The following RARB variants were observed in gnomAD, a reference collection of about 807,000 sequenced individuals.
The protein encoded by RARB is retinoic acid receptor beta.
RARB carries 17 observed loss-of-function variants against 51.9 expected under a neutral mutation model. The ratio of observed to expected loss-of-function variants is 0.33; its 90% CI spans 0.22 to 0.49. The LOEUF (loss-of-function observed/expected upper bound fraction) is 0.49. Among genes scored for constraint, RARB ranks in the 20% least tolerant of loss-of-function variants. The pLI is 0.99. For missense variants in RARB, 369 were observed against 550.8 expected (o/e 0.67, Z 3.30); for synonymous variants, 215 against 195.4 (o/e 1.10, Z -0.84).
At chr3:24,932,800 C>T (rs1037339965) in intron 2 of RARB, among the ~76,000 whole-genome samples, 1 of 152,068 alleles carries the variant, frequency 6.6e-6, no homozygotes, top group Non-Finnish European at 1.5e-5. Context: ...CTAATTGTTA[C>T]TTTTGTTGAG....
chr3:25,284,117 C>G (rs940172917), intron 5 of RARB, among the ~76,000 whole-genome samples: 1 of 152,174 alleles, frequency 6.6e-6, no homozygotes, highest in African/African-American at 2.4e-5. Context: ...TGGAGAAGCC[C>G]ACATGGAAAT....
At chr3:25,122,925 T>TCATCTTGA (rs763038979) in intron 3 of RARB, among the ~76,000 whole-genome samples, 14 of 152,186 alleles carry the variant, frequency 9.2e-5, no homozygotes, top group Non-Finnish European at 1.5e-4. Flanking sequence ...TGGCACCTTG[T>TCATCTTGA]CATCTTGACA....
At chr3:25,559,030 A>AT (rs964491866) in intron 3 of RARB, among the ~76,000 whole-genome samples, 12 of 151,888 alleles carry the variant, frequency 7.9e-5, no homozygotes, top group Admixed American at 7.9e-4. Context: ...TCTTGGAAGT[A>AT]TTTTCTCATA....
intron 2 of RARB, among the ~76,000 whole-genome samples, chr3:24,946,791 G>T (rs1317866955): frequency 6.6e-6 from 1 of 152,172 alleles, no homozygotes; most frequent in Non-Finnish European, 1.5e-5. Context: ...TTTGAACCGG[G>T]AGGGTCAAGG....
At chr3:24,903,982 C>A (rs1266196460) in intron 2 of RARB, among the ~76,000 whole-genome samples, 1 of 152,114 alleles carries the variant, frequency 6.6e-6, no homozygotes, top group East Asian at 1.9e-4. Flanking sequence ...TATATGAAAT[C>A]TGATTATAAA....
intron 2 of RARB, among the ~76,000 whole-genome samples, chr3:24,932,332 G>GA (rs1205085728): frequency 6.6e-6 from 1 of 151,846 alleles, no homozygotes. Context: ...CAGAATGGGG[G>GA]ATCTGGGAAA....
At chr3:25,016,890 A>G (rs1697521046) in intron 2 of RARB, among the ~76,000 whole-genome samples, 3 of 152,108 alleles carry the variant, frequency 2.0e-5, no homozygotes, top group Non-Finnish European at 2.9e-5. Flanking sequence ...GATTTATACT[A>G]TCCCCTTAGA....
chr3:25,570,204 G>T (rs1700656816), intron 4 of RARB, among the ~76,000 whole-genome samples: 1 of 152,342 alleles, frequency 6.6e-6, no homozygotes. Context: ...TATACGACAG[G>T]CTGTGTTCTA....
intron 4 of RARB, among the ~76,000 whole-genome samples, chr3:25,578,971 C>T (rs1415561712): frequency 6.6e-6 from 1 of 152,216 alleles, no homozygotes; most frequent in Non-Finnish European, 1.5e-5. Context: ...AATATCTCAT[C>T]ATTTTATCTG....
At chr3:25,169,668 C>T (rs887382639) in intron 4 of RARB, among the ~76,000 whole-genome samples, 1 of 151,932 alleles carries the variant, frequency 6.6e-6, no homozygotes, top group Non-Finnish European at 1.5e-5. Flanking sequence ...AGAGTTATAT[C>T]ATATTTATAG....
intron 3 of RARB, among the ~76,000 whole-genome samples, chr3:25,506,726 C>A (rs1559440631): frequency 1.3e-5 from 2 of 152,254 alleles, no homozygotes; most frequent in South Asian, 4.1e-4. Flanking sequence ...TCCAGTAAAT[C>A]TTTATTTACA....
At chr3:25,147,763 T>G (rs1464985276) in intron 4 of RARB, among the ~76,000 whole-genome samples, 3 of 152,224 alleles carry the variant, frequency 2.0e-5, no homozygotes, top group Non-Finnish European at 4.4e-5. Flanking sequence ...TGTTGCAGTT[T>G]CCATTGCAAA....
intron 5 of RARB, among the ~76,000 whole-genome samples, chr3:25,347,399 A>G (rs10510565): frequency 0.08 from 12,213 of 152,274 alleles, 667 homozygotes; most frequent in African/African-American, 0.15. Context: ...ATATCCCATC[A>G]AAAGGTAGTC....
intron 3 of RARB, among the ~76,000 whole-genome samples, chr3:25,117,028 A>G (rs1699699611): frequency 6.6e-6 from 1 of 152,190 alleles, no homozygotes; most frequent in Non-Finnish European, 1.5e-5. Context: ...TAGACCAGCC[A>G]GAAATCATCC....
intron 5 of RARB, among the ~76,000 whole-genome samples, chr3:25,320,700 G>A (rs142360049): frequency 1.3e-5 from 2 of 152,270 alleles, no homozygotes; most frequent in East Asian, 3.9e-4. Context: ...AATTATTCAT[G>A]TTAACATACC....
intron 3 of RARB, among the ~76,000 whole-genome samples, chr3:25,065,604 C>T (rs1249044509): frequency 6.6e-6 from 1 of 152,146 alleles, no homozygotes; most frequent in Admixed American, 6.5e-5. Flanking sequence ...GATTGTTCTA[C>T]CCAAAGTATG....
intron 3 of RARB, among the ~76,000 whole-genome samples, chr3:25,125,769 T>C (rs1486230288): frequency 6.6e-6 from 1 of 152,180 alleles, no homozygotes; most frequent in African/African-American, 2.4e-5. Context: ...ACCTAAGTAT[T>C]ATAGGTGTTC....
intron 3 of RARB, among the ~76,000 whole-genome samples, chr3:25,107,845 A>G (rs1039726702): frequency 6.6e-5 from 10 of 152,216 alleles, no homozygotes; most frequent in African/African-American, 2.4e-4. Flanking sequence ...ACTTGTTCTT[A>G]CTGTAGATCT....
intron 2 of RARB, among the ~76,000 whole-genome samples, chr3:24,895,615 CTT>C (rs11295596): frequency 3.3e-4 from 41 of 125,094 alleles, no homozygotes; most frequent in African/African-American, 6.8e-4. Context: ...ACAATTGGGT[CTT>C]TTTTTTTTTT....
Sources: gnomAD v4.1 joint callset for allele counts (sites outside exome capture counted in the v4.1 genomes callset) on GRCh38, gnomAD v4.1.1 for gene constraint, MANE v1.5 for transcripts, NCBI Gene and HGNC (gene_info 2026-07-23, HGNC 2026-07-21) for gene names.